Variants in USP33 observed in about 807,000 individuals in gnomAD.
USP33 encodes ubiquitin specific peptidase 33.
A neutral mutation model predicts 124.2 loss-of-function variants in USP33; 46 were observed. That is an observed-to-expected ratio of 0.37 (90% CI 0.29 to 0.47). The LOEUF is 0.47. USP33 is among the 20% of genes least tolerant of loss of function. USP33 has a pLI of 0.99. For synonymous variants in USP33, 350 were observed against 352.3 expected (o/e 0.99, Z 0.07); for missense variants, 851 against 1,070.6 (o/e 0.79, Z 2.86).
chr1:77,755,608 G>C (rs1484705299), intron 1 of USP33, among the ~76,000 whole-genome samples: 1 of 152,220 alleles, frequency 6.6e-6, no homozygotes, highest in East Asian at 1.9e-4. Flanking sequence ...TGAGTGGTGA[G>C]AACTGCTTGA....
chr1:77,699,918 T>C (rs938575805), intron 22 of USP33, among the ~76,000 whole-genome samples: 18 of 152,114 alleles, frequency 1.2e-4, no homozygotes, highest in Admixed American at 1.2e-3. Flanking sequence ...TGGAAGCCAT[T>C]ATCCTCAGCA....
Position 77,697,396 on chromosome 1 carries a change from A to C in USP33, c.2657T>G (p.Leu886Arg). The change falls in exon 24 of 24, where the codon CTG becomes CGG. Residue 886 changes from leucine (L) to arginine (R), a missense_variant. Leu to Arg is a moderately radical substitution (Grantham distance 102, BLOSUM62 -2). Around this residue, in one of 4 missense-constraint regions of USP33, gnomAD observed 142 missense variants for 141.8 expected, o/e 1.00. Transcript: ENST00000370794. Reference protein sequence around the residue: ...SIYGGGPEVILRPPVVHVDPD... With the variant: ...SIYGGGPEVIRRPPVVHVDPD... Reference sequence around the variant, plus strand: ...ATCAACATGAACAACCGGAGGTCGCAGGATAACTTCAGGCCCTCCACCATA... The same window carrying C: ...ATCAACATGAACAACCGGAGGTCGCCGGATAACTTCAGGCCCTCCACCATA... 2 of 1,613,394 alleles carry C rather than the reference A, an allele frequency of 1.2e-6. No homozygotes were observed. Among genetic ancestry groups the C allele is most frequent in the South Asian group, 1.1e-5 (1 of 90,884 alleles).
intron 12 of USP33, among the ~76,000 whole-genome samples, 156 bp downstream of exon 12, chr1:77,723,175 C>T (rs536643590): frequency 3.3e-5 from 5 of 151,988 alleles, no homozygotes; most frequent in African/African-American, 7.3e-5. Context: ...AAAAATTCTA[C>T]ACCTAGAATC....
intron 7 of USP33, among the ~76,000 whole-genome samples, chr1:77,732,796 T>TA (rs1318344987): frequency 1.4e-5 from 2 of 146,436 alleles, no homozygotes; most frequent in Admixed American, 1.4e-4. Context: ...CTTCTTTTTT[T>TA]TTTTTTTTTT....
chr1:77,739,362 G>A lies in USP33; in HGVS notation c.254C>T (p.Ala85Val). 7.4e-6 allele frequency: 12 copies of A among 1,613,772 alleles called. No homozygotes were observed. The highest frequency in any genetic ancestry group is 1.0e-5 in the Non-Finnish European group (12 of 1,179,868). The change falls in exon 5 of 24, where the codon GCT (alanine) becomes GTT (valine). Residue 85 changes from alanine to valine, a missense_variant. By Grantham distance (64) the Ala-to-Val change is moderately conservative. Coordinates refer to ENST00000370794, the MANE Select transcript of USP33 (RefSeq NM_201624.3). ...ATCCAAAAATACTTCTTTGCTGCAA[G>A]CATAACACCATACTCGAAGAGTGGT... Reference protein sequence around the residue: ...NLTTLRVWCYACSKEVFLDRK... With the variant: ...NLTTLRVWCYVCSKEVFLDRK...
chr1:77,722,460 G>A (rs1043920620), intron 12 of USP33: 7 of 273,754 alleles, frequency 2.6e-5, no homozygotes, highest in Non-Finnish European at 4.8e-5. Context: ...TACAATCACA[G>A]ACACTGCAGC....
rs1673466421 is a variant in USP33 at position 77,696,747 on chromosome 1, A to C, written c.*570T>G. On this transcript the variant is annotated 3_prime_UTR_variant, in exon 24 of 24. Transcript: ENST00000370794. Reference sequence around the variant, plus strand: ...GGATCTGCATGTAGTGTAAAGATTAAAGATAACCTACTGATTTCACAATTG... The same window carrying C: ...GGATCTGCATGTAGTGTAAAGATTACAGATAACCTACTGATTTCACAATTG... The C allele has an allele frequency of 6.6e-6, 1 of 152,260 alleles. No individual in the cohort carries two copies. The highest frequency in any genetic ancestry group is 1.5e-5 in the Non-Finnish European group (1 of 68,080). 9.4% of individuals were successfully genotyped at this position (152,260 alleles called of 1,614,324 possible).
At chr1:77,716,868 CTTT>C (rs202208218) in intron 17 of USP33, among the ~76,000 whole-genome samples, 1 of 142,602 alleles carries the variant, frequency 7.0e-6, no homozygotes. Flanking sequence ...TCTTTTTTTT[CTTT>C]TTTTTTTTTT....
chr1:77,719,931 GTTGGCAAATCA>G (rs1438738444), intron 15 of USP33, among the ~76,000 whole-genome samples: 2 of 150,786 alleles, frequency 1.3e-5, no homozygotes, highest in Non-Finnish European at 2.9e-5. Flanking sequence ...GGAGGCCAAT[GTTGGCAAATCA>G]TGCAAGCCAA....
Position 77,758,942 on chromosome 1 carries a change from G to A in USP33, c.-52+701C>T, listed in dbSNP as rs540755981. 2.0e-5 allele frequency among the ~76,000 whole-genome samples: 3 copies of A among 152,262 alleles called. No homozygotes were observed. In the South Asian group the frequency reaches 6.2e-4, roughly 32 times the overall value. On this transcript the variant is annotated intron_variant, in intron 1 of 23. Transcript: ENST00000370794. ...GAATGTAAACTCCAACGGTACTTGA[G>A]TGCAAAACACCCAGGAAAATCTCAT...
intron 19 of USP33, chr1:77,713,493 T>C (rs1323476444): frequency 2.9e-5 from 12 of 418,348 alleles, no homozygotes; most frequent in African/African-American, 2.4e-4. Flanking sequence ...CAAGGCATCC[T>C]CCCACCCCAG....
intron 23 of USP33, 108 bp downstream of exon 23, chr1:77,697,755 T>C (rs1193813130): frequency 4.4e-6 from 5 of 1,146,648 alleles, no homozygotes; most frequent in Middle Eastern, 2.4e-4. Context: ...AATGTATGGA[T>C]TACATTCTTC....
At position 77,697,544 on chromosome 1, in the gene USP33, A is replaced by AC. The variant is rs1363473769; in HGVS notation, c.2579-71dup. The AC allele has an allele frequency of 4.7e-6, 7 of 1,481,368 alleles. No individual in the cohort carries two copies. In the East Asian group the frequency reaches 6.9e-5, roughly 15 times the overall value. The allele number at this position is 1,481,368 out of a possible 1,614,324, so 91.8% of individuals were successfully genotyped here. On this transcript the variant is annotated intron_variant, in intron 23 of 23. Coordinates refer to ENST00000370794, the MANE Select transcript of USP33 (RefSeq NM_201624.3). The stretch of plus-strand genomic sequence containing the variant: ...CATATTGCAAAAGCGTTCATAATGT[A>AC]CCCCCCAGCATGAATCTTCTCGGGA...
At chr1:77,758,175 CTTT>C (rs1185358841) in intron 1 of USP33, among the ~76,000 whole-genome samples, 30 of 94,290 alleles carry the variant, frequency 3.2e-4, no homozygotes, top group African/African-American at 1.3e-3. Flanking sequence ...TTGTACTGTC[CTTT>C]TTTTTTTTTT....
At position 77,717,885 on chromosome 1, in the gene USP33, G is replaced by A. The variant is rs1676105571; in HGVS notation, c.1900C>T (p.His634Tyr). The change falls in exon 17 of 24, where the codon CAT becomes TAT. Residue 634 changes from histidine to tyrosine, a missense_variant. Transcript: ENST00000370794. The part of the protein sequence containing the change: ...VTYDLLSVIC[H>Y]HGTASSGHYI... ...TACTTACTACTTGCAGTTCCATGAT[G>A]GCAAATGACTGACAGAAGATCATAT... The A allele has an allele frequency of 6.2e-7, 1 of 1,609,682 alleles. No individual in the cohort carries two copies. Among genetic ancestry groups the A allele is most frequent in the Non-Finnish European group, 8.5e-7 (1 of 1,178,560 alleles).
chr1:77,726,272 G>A (rs972773861), intron 10 of USP33, among the ~76,000 whole-genome samples: 4 of 151,522 alleles, frequency 2.6e-5, no homozygotes, highest in East Asian at 1.9e-4. Flanking sequence ...TATAACACAC[G>A]ACTATTACAG....
At chr1:77,724,213 T>C (rs940677937) in intron 11 of USP33, among the ~76,000 whole-genome samples, 4 of 152,116 alleles carry the variant, frequency 2.6e-5, no homozygotes, top group African/African-American at 9.7e-5. Context: ...GCAATTCTGT[T>C]TTCACTTATT....
chr1:77,750,245 G>A (rs1231314838), intron 1 of USP33, among the ~76,000 whole-genome samples: 1 of 152,102 alleles, frequency 6.6e-6, no homozygotes, highest in Non-Finnish European at 1.5e-5. Flanking sequence ...TTGAACCCAG[G>A]AGGCAGAGGT....
rs1677698902 is a variant in USP33 at position 77,730,644 on chromosome 1, T to C, written c.612A>G (p.Leu204=). The part of the protein sequence containing the change: ...KPAICKSYLK[L]MTELWHKSRP... ...TGCTTTTATGCCACAGCTCTGTCAT[T>C]AGTTTGAGATAACTTTTACAAATGG... Residue 204 remains leucine (L), a synonymous_variant, in exon 8 of 24, where the codon CTA becomes CTG. Transcript: ENST00000370794. The C allele has an allele frequency of 6.3e-7, 1 of 1,595,472 alleles. No homozygotes were observed. The highest frequency in any genetic ancestry group is 1.3e-5 in the African/African-American group (1 of 74,488).
Sources: gnomAD v4.1 joint callset for allele counts (sites outside exome capture counted in the v4.1 genomes callset) on GRCh38, gnomAD v4.1.1 for gene constraint, gnomAD v4.1.1 regional missense constraint, MANE v1.5 for transcripts, NCBI Gene and HGNC (gene_info 2026-07-23, HGNC 2026-07-21) for gene names.